Variants in ABLIM2 observed in about 807,000 individuals in gnomAD.
ABLIM2 encodes actin binding LIM protein family member 2.
In ABLIM2, 53 loss-of-function variants were observed where a neutral mutation model predicts 97.7. The ratio of observed to expected loss-of-function variants is 0.54; its 90% CI spans 0.44 to 0.68. The LOEUF is 0.68. ABLIM2 is among the 30% of genes least tolerant of loss of function. The pLI, the probability that ABLIM2 is intolerant of heterozygous loss-of-function variation, is 0.00. For missense variants in ABLIM2, 835 were observed against 867.2 expected, an observed-to-expected ratio of 0.96 and a Z score of 0.47; for synonymous variants, 361 against 345.8, an observed-to-expected ratio of 1.04 and a Z score of -0.49.
chr4:8,127,439 C>T lies in ABLIM2; in HGVS notation c.11-20802G>A. On this transcript the variant is annotated intron_variant, in intron 1 of 20. Transcript: ENST00000447017. This position sits in a 1 kb window ranked among gnomAD's most constrained non-coding sequence, Gnocchi z 7.3. ...GGACCCGTCCTTTCCCACCAGACCC[C>T]TGAAGCTGATTCATGGAGCTCACAG... is the stretch of plus-strand genomic sequence containing the variant. The T allele has an allele frequency of 5.6e-6, 7 of 1,246,596 alleles. No individual in the cohort carries two copies. The highest frequency in any genetic ancestry group is 7.3e-6 in the Non-Finnish European group (7 of 954,518). The allele number at this position is 1,246,596 out of a possible 1,614,324, so 77.2% of individuals were successfully genotyped here.
chr4:8,028,494 CTCAT>C (rs754434126), intron 11 of ABLIM2, among the ~76,000 whole-genome samples: 88 of 152,268 alleles, frequency 5.8e-4, no homozygotes, highest in Middle Eastern at 3.4e-3. Flanking sequence ...CCCTTATTTG[CTCAT>C]TCATTCAATC....
intron 14 of ABLIM2, among the ~76,000 whole-genome samples, chr4:8,009,937 C>T (rs2150472012): frequency 6.6e-6 from 1 of 152,280 alleles, no homozygotes; most frequent in South Asian, 2.1e-4. Flanking sequence ...TGAGCCCAGG[C>T]CTTCTGAGTC....
chr4:8,043,676 C>T lies in ABLIM2; in HGVS notation c.900+1488G>A, dbSNP rs766593651. ...GAGCCAACCCTGCTGACTCCTTGAT[C>T]CTGGGTTTCCAGGCTCTGGAACTTT... On this transcript the variant is annotated intron_variant, in intron 9 of 20. Transcript: ENST00000447017. The surrounding 1 kb of genome is among the most constrained non-coding windows in gnomAD (Gnocchi z 4.8). 6.6e-6 allele frequency among the ~76,000 whole-genome samples: 1 copy of T among 152,158 alleles called. No homozygotes were observed. The highest frequency in any genetic ancestry group is 2.4e-5 in the African/African-American group (1 of 41,436).
At position 8,140,321 on chromosome 4, in the gene ABLIM2, AG is replaced by A. The variant is rs1850777911; in HGVS notation, c.10+18358del. 1.3e-5 allele frequency among the ~76,000 whole-genome samples: 2 copies of A among 152,228 alleles called. No individual in the cohort carries two copies. The highest frequency in any genetic ancestry group is 4.8e-5 in the African/African-American group (2 of 41,452). On this transcript the variant is annotated intron_variant, in intron 1 of 20. Coordinates refer to ENST00000447017, the MANE Select transcript of ABLIM2 (RefSeq NM_001130083.2). This position sits in a 1 kb window ranked among gnomAD's most constrained non-coding sequence, Gnocchi z 5.9. ...GCTCCCCATCTGGTGAAGGAAACAGAGAATGTGGTCAAACACACCACAGGGA... is the reference window on the plus strand; with the variant it reads ...GCTCCCCATCTGGTGAAGGAAACAGAAATGTGGTCAAACACACCACAGGGA...
Position 8,075,921 on chromosome 4 carries a change from GGAAAGAAAAAAC to G in ABLIM2, c.675+1695_675+1706del, listed in dbSNP as rs1245471457. 6.6e-6 allele frequency among the ~76,000 whole-genome samples: 1 copy of G among 152,136 alleles called. No homozygotes were observed. Among genetic ancestry groups the G allele is most frequent in the African/African-American group, 2.4e-5 (1 of 41,434 alleles). On this transcript the variant is annotated intron_variant, in intron 6 of 20. Transcript: ENST00000447017. The surrounding 1 kb of genome is among the most constrained non-coding windows in gnomAD (Gnocchi z 4.4). ...GGTTTGAGATCAACTATGATTACAT[GGAAAGAAAAAAC>G]GAAAGAAAACTGGCCAGAAAGTTAG... is the stretch of plus-strand genomic sequence containing the variant.
intron 1 of ABLIM2, among the ~76,000 whole-genome samples, chr4:8,143,869 C>T (rs987931982): frequency 1.3e-5 from 2 of 152,196 alleles, no homozygotes; most frequent in Non-Finnish European, 2.9e-5. Context: ...GGGGTGGGGC[C>T]AGGCCTTTGC....
At position 8,120,904 on chromosome 4, in the gene ABLIM2, A is replaced by G; in HGVS notation, c.11-14267T>C. 6.6e-6 allele frequency among the ~76,000 whole-genome samples: 1 copy of G among 152,268 alleles called. No homozygotes were observed. ...TAATACAATGTTGACCGTCTCACGT[A>G]AGAGTACTGTACCGCAGATTGCTAG... On this transcript the variant is annotated intron_variant, in intron 1 of 20. Coordinates refer to ENST00000447017, the MANE Select transcript of ABLIM2 (RefSeq NM_001130083.2). The surrounding 1 kb of genome is among the most constrained non-coding windows in gnomAD (Gnocchi z 5.6).
At chr4:8,138,126 G>A (rs1313025294) in intron 1 of ABLIM2, among the ~76,000 whole-genome samples, 1 of 152,178 alleles carries the variant, frequency 6.6e-6, no homozygotes, top group Admixed American at 6.5e-5. Flanking sequence ...AATCCACAGA[G>A]ACAGAAGGAA....
chr4:8,029,337 T>C (rs1440948877), intron 11 of ABLIM2, among the ~76,000 whole-genome samples: 1 of 152,144 alleles, frequency 6.6e-6, no homozygotes, highest in East Asian at 1.9e-4. Context: ...TGACGTCTCT[T>C]GCCACCCAAT....
At position 8,002,199 on chromosome 4, in the gene ABLIM2, C is replaced by T. The variant is rs540035411; in HGVS notation, c.1618+5860G>A. On this transcript the variant is annotated intron_variant, in intron 16 of 20. Coordinates refer to ENST00000447017, the MANE Select transcript of ABLIM2 (RefSeq NM_001130083.2). This position sits in a 1 kb window ranked among gnomAD's most constrained non-coding sequence, Gnocchi z 6.1. ...CAGCCTGGACCTCTCCTCTGAGCTC[C>T]GTCTGCCCCCTGGCAACCCCCCGGA... Among the ~76,000 whole-genome samples the T allele has an allele frequency of 3.0e-4, 46 of 152,264 alleles. No homozygotes were observed. The highest frequency in any genetic ancestry group is 1.1e-3 in the African/African-American group (44 of 41,550).
intron 6 of ABLIM2, among the ~76,000 whole-genome samples, chr4:8,074,874 G>A: frequency 6.7e-6 from 1 of 149,926 alleles, no homozygotes; most frequent in East Asian, 2.0e-4. Context: ...TCCACCTCCT[G>A]GTCCTGGTTC....
rs1283272788 is a variant in ABLIM2 at position 8,061,700 on chromosome 4, C to A, written c.676-646G>T. Among the ~76,000 whole-genome samples the A allele has an allele frequency of 6.6e-6, 1 of 151,692 alleles. No homozygotes were observed. The highest frequency in any genetic ancestry group is 1.5e-5 in the Non-Finnish European group (1 of 67,968). On this transcript the variant is annotated intron_variant, in intron 6 of 20. Coordinates refer to ENST00000447017, the MANE Select transcript of ABLIM2 (RefSeq NM_001130083.2). The surrounding 1 kb of genome is among the most constrained non-coding windows in gnomAD (Gnocchi z 4.5). The stretch of plus-strand genomic sequence containing the variant: ...GAAATGCTCCCTTTACCCCCACGTT[C>A]CAGCACACACTTCCTACCCTGAGGG...
chr4:8,063,308 GC>G (rs1252572381), intron 6 of ABLIM2, among the ~76,000 whole-genome samples: 1 of 152,202 alleles, frequency 6.6e-6, no homozygotes, highest in African/African-American at 2.4e-5. Flanking sequence ...CTTGTGATCT[GC>G]CCCCCTTGGC....
At chr4:8,042,903 C>T (rs1258149537) in intron 9 of ABLIM2, among the ~76,000 whole-genome samples, 1 of 150,278 alleles carries the variant, frequency 6.7e-6, no homozygotes, top group Non-Finnish European at 1.5e-5. Context: ...ATAATCCCAG[C>T]ACTTTGGGAG....
intron 20 of ABLIM2, among the ~76,000 whole-genome samples, chr4:7,967,722 CG>C (rs1446204244): frequency 6.6e-6 from 1 of 152,188 alleles, no homozygotes. Flanking sequence ...GTGGTCAGGG[CG>C]TGGATACCAG....
At position 7,989,466 on chromosome 4, in the gene ABLIM2, G is replaced by C. The variant is rs910133555; in HGVS notation, c.1680+3400C>G. Reference sequence around the variant, plus strand: ...GTGTCTGGCATTGCCATGTTGCTTGGTGCATTTAAGTTGATGAATGCTATA... The same window carrying C: ...GTGTCTGGCATTGCCATGTTGCTTGCTGCATTTAAGTTGATGAATGCTATA... On this transcript the variant is annotated intron_variant, in intron 17 of 20. Coordinates refer to ENST00000447017, the MANE Select transcript of ABLIM2 (RefSeq NM_001130083.2). The C allele has an allele frequency of 2.8e-5, 28 of 984,642 alleles. No individual in the cohort carries two copies. The African/African-American group carries it at 4.7e-4, about 17-fold the overall frequency. The allele number at this position is 984,642 out of a possible 1,614,324, so 61.0% of individuals were successfully genotyped here.
chr4:8,086,176 A>G (rs1823463742), intron 4 of ABLIM2, among the ~76,000 whole-genome samples: 1 of 151,962 alleles, frequency 6.6e-6, no homozygotes, highest in South Asian at 2.1e-4. Context: ...TTAGTTATCT[A>G]GGGGTCCGGG....
intron 16 of ABLIM2, among the ~76,000 whole-genome samples, chr4:7,995,464 G>A (rs541094334): frequency 2.6e-5 from 4 of 152,212 alleles, no homozygotes; most frequent in Admixed American, 1.3e-4. Context: ...CTGCCCACCC[G>A]CTCTCTCCGG....
chr4:8,020,581 C>T (rs1169529650), intron 12 of ABLIM2: 2 of 537,852 alleles, frequency 3.7e-6, no homozygotes, highest in African/African-American at 3.8e-5. Flanking sequence ...GAACTAAGAA[C>T]ACCTTAGGGG....
Sources: gnomAD v4.1 joint callset for allele counts (sites outside exome capture counted in the v4.1 genomes callset) on GRCh38, gnomAD v4.1.1 for gene constraint, Gnocchi (gnomAD v3.1) non-coding constraint, MANE v1.5 for transcripts, NCBI Gene and HGNC (gene_info 2026-07-23, HGNC 2026-07-21) for gene names.